The following CLK1 variants were observed in gnomAD, a reference collection of about 807,000 sequenced individuals.
CLK1 encodes the protein CDC like kinase 1, also known as dual specificity protein kinase CLK1.
A neutral mutation model predicts 60.9 loss-of-function variants in CLK1; 40 were observed. That is an observed-to-expected ratio of 0.66 (90% CI 0.51 to 0.86). CLK1 has a LOEUF of 0.86. Ranked by LOEUF, CLK1 falls within the 40% of genes least tolerant of loss-of-function variation. CLK1 has a pLI of 0.00. For missense variants in CLK1, 563 were observed against 606.1 expected, an observed-to-expected ratio of 0.93 and a Z score of 0.75; for synonymous variants, 203 against 184.4, an observed-to-expected ratio of 1.10 and a Z score of -0.82.
Position 200,861,801 on chromosome 2 carries a change from T to C in CLK1, c.62A>G (p.Lys21Arg). Reference sequence around the variant, plus strand: ...TTTATGACTGCTGCTGCTCCTCCATTTTCCATAATCCCAATCCTTGTCATC... The same window carrying C: ...TTTATGACTGCTGCTGCTCCTCCATCTTCCATAATCCCAATCCTTGTCATC... The part of the protein sequence containing the change: ...DWDDKDWDYG[K>R]WRSSSSHKRR... The change falls in exon 2 of 13, where the codon AAA becomes AGA. Residue 21 changes from lysine to arginine, a missense_variant. Physicochemically the swap from Lys to Arg is conservative, Grantham distance 26. This residue lies in a region of CLK1 where 198 missense variants were observed against 179.2 expected (regional missense o/e 1.10). Transcript: ENST00000321356. 6.2e-7 allele frequency: 1 copy of C among 1,614,106 alleles called. No individual in the cohort carries two copies. Among genetic ancestry groups the C allele is most frequent in the Non-Finnish European group, 8.5e-7 (1 of 1,180,000 alleles).
intron 1 of CLK1, chr2:200,864,259 G>A (rs2039192375): frequency 3.3e-6 from 5 of 1,512,644 alleles, no homozygotes; most frequent in Non-Finnish European, 4.4e-6. Flanking sequence ...TCACAACATG[G>A]CGCCCGCCCG....
At position 200,855,075 on chromosome 2, in the gene CLK1, A is replaced by G. The variant is rs2039016353; in HGVS notation, c.1069T>C (p.Ser357Pro). 1 of 1,611,864 alleles carries G rather than the reference A, an allele frequency of 6.2e-7. No individual in the cohort carries two copies. Among genetic ancestry groups the G allele is most frequent in the Non-Finnish European group, 8.5e-7 (1 of 1,179,154 alleles). The change falls in exon 10 of 13, where the codon TCC (serine) becomes CCC (proline). Residue 357 changes from serine (S) to proline (P), a missense_variant. Coordinates refer to ENST00000321356, the MANE Select transcript of CLK1 (RefSeq NM_004071.4). ...APEVILALGW[S>P]QPCDVWSIGC... ...ATGCTCCAGACATCACATGGTTGGG[A>G]CCACCCTAGGGCTGCAAAGCAAAGC...
chr2:200,860,005 G>GAAAA, intron 4 of CLK1, 120 bp downstream of exon 4: 1 of 1,451,202 alleles, frequency 6.9e-7, no homozygotes, highest in Non-Finnish European at 9.1e-7. Flanking sequence ...AAAAGAAATG[G>GAAAA]AAAAATAAAA....
At chr2:200,862,849 A>C (rs1387952018) in intron 1 of CLK1, among the ~76,000 whole-genome samples, 1 of 152,252 alleles carries the variant, frequency 6.6e-6, no homozygotes, top group East Asian at 1.9e-4. Flanking sequence ...CGGACAAATG[A>C]AACTACCAAG....
chr2:200,853,683 A>AC (rs1205103371), intron 12 of CLK1, among the ~76,000 whole-genome samples: 1 of 125,698 alleles, frequency 8.0e-6, no homozygotes, highest in African/African-American at 2.7e-5. Flanking sequence ...TTACTTGAAA[A>AC]AAAAAAAAAA....
intron 1 of CLK1, chr2:200,864,246 G>A (rs200388256): frequency 3.9e-6 from 6 of 1,533,420 alleles, no homozygotes; most frequent in African/African-American, 1.4e-5. Flanking sequence ...CCGCCGAGGC[G>A]GTTCACAACA....
chr2:200,860,894 T>C (rs1006192888), intron 3 of CLK1: 104 of 1,083,066 alleles, frequency 9.6e-5, no homozygotes, highest in Non-Finnish European at 1.1e-4. Flanking sequence ...GTTCTACTTT[T>C]GTGATTTCAA....
intron 5 of CLK1, among the ~76,000 whole-genome samples, chr2:200,858,790 G>A (rs1025084890): frequency 6.8e-6 from 1 of 147,504 alleles, no homozygotes; most frequent in Non-Finnish European, 1.5e-5. Context: ...TTGCCATTCA[G>A]GAAGAGGAAG....
chr2:200,860,988 T>C, intron 3 of CLK1: 2 of 1,272,182 alleles, frequency 1.6e-6, no homozygotes, highest in African/African-American at 3.0e-5. Flanking sequence ...TAATCTAAAT[T>C]AAATCAATTA....
At chr2:200,863,399 A>C (rs1001838671) in intron 1 of CLK1, among the ~76,000 whole-genome samples, 4 of 152,120 alleles carry the variant, frequency 2.6e-5, no homozygotes, top group East Asian at 1.9e-4. Context: ...CCTCTATAAA[A>C]AATAAAAAAT....
At chr2:200,862,436 A>C (rs1182593561) in intron 1 of CLK1, among the ~76,000 whole-genome samples, 1 of 151,972 alleles carries the variant, frequency 6.6e-6, no homozygotes, top group African/African-American at 2.4e-5. Context: ...CCCACCCTTA[A>C]GAAGGTTCTT....
chr2:200,858,263 C>T (rs1025985761), intron 5 of CLK1, 174 bp from the exon 6 acceptor site: 7 of 608,520 alleles, frequency 1.2e-5, no homozygotes, highest in Admixed American at 5.6e-5. Flanking sequence ...TTCATCAAAC[C>T]ACCACTCACA....
chr2:200,858,942 A>G (rs2039090478), intron 5 of CLK1, among the ~76,000 whole-genome samples: 1 of 152,050 alleles, frequency 6.6e-6, no homozygotes, highest in African/African-American at 2.4e-5. Flanking sequence ...TGGGAGGCTG[A>G]GGTGGGCAGG....
In CLK1 at chr2:200,859,691, G is replaced by C. The variant is rs140564180; in HGVS notation, c.537C>G (p.Ile179Met). The C allele has an allele frequency of 1.2e-6, 2 of 1,612,616 alleles. No homozygotes were observed. Among genetic ancestry groups the C allele is most frequent in the South Asian group, 2.2e-5 (2 of 90,850 alleles). Reference protein sequence around the residue: ...EGAFGKVVECIDHKAGGRHVA... With the variant: ...EGAFGKVVECMDHKAGGRHVA... ...CATGGGAAACTTACGCTTTATGATC[G>C]ATGCACTCCACAACTTTTCCAAAAG... Residue 179 changes from isoleucine to methionine, a missense_variant, in exon 5 of 13, where the codon ATC (isoleucine) becomes ATG (methionine). Transcript: ENST00000321356.
intron 5 of CLK1, among the ~76,000 whole-genome samples, chr2:200,858,325 G>A (rs2039077128): frequency 6.6e-6 from 1 of 152,136 alleles, no homozygotes; most frequent in South Asian, 2.1e-4. Context: ...TATGGTACCT[G>A]TCACTGTCAA....
At chr2:200,861,963 A>G in intron 1 of CLK1, 101 bp from the exon 2 acceptor site, 1 of 848,318 alleles carries the variant, frequency 1.2e-6, no homozygotes, top group Non-Finnish European at 1.8e-6. Context: ...TTTTAAGACC[A>G]AAATTCAAGA....
chr2:200,855,167 T>A, intron 9 of CLK1, 81 bp from the exon 10 acceptor site: 1 of 1,041,380 alleles, frequency 9.6e-7, no homozygotes, highest in Non-Finnish European at 1.4e-6. Context: ...ACACTAATAC[T>A]TTAAAAAAAA....
rs56049927 is a variant in CLK1 at position 200,853,967 on chromosome 2, C to T, written c.1247G>A (p.Arg416Gln). Residue 416 changes from arginine (R) to glutamine (Q), a missense_variant, in exon 12 of 13, where the codon CGA (arginine) becomes CAA (glutamine). Arg to Gln is a conservative substitution (Grantham distance 43, BLOSUM62 1). This residue lies in a region of CLK1 where 360 missense variants were observed against 407.0 expected (regional missense o/e 0.88). Transcript: ENST00000321356. ...AGAACTGTGTTCATCCCAGTCTAAT[C>T]GATCGTGGTGAAAATATTTACGTTT... Reference protein sequence around the residue: ...TRKRKYFHHDRLDWDEHSSAG... With the variant: ...TRKRKYFHHDQLDWDEHSSAG... 5.0e-5 allele frequency: 80 copies of T among 1,610,230 alleles called. No individual in the cohort carries two copies. Among genetic ancestry groups the T allele is most frequent in the Non-Finnish European group, 6.3e-5 (74 of 1,178,184 alleles).
chr2:200,854,769 A>C, intron 10 of CLK1, 74 bp from the exon 11 acceptor site: 5 of 1,097,754 alleles, frequency 4.6e-6, no homozygotes, highest in Non-Finnish European at 6.9e-6. Flanking sequence ...ACAGCAAAAA[A>C]ACTAACATTA....
Sources: allele counts gnomAD v4.1 joint callset (sites outside exome capture counted in the v4.1 genomes callset), GRCh38; gene constraint gnomAD v4.1.1; regional missense constraint gnomAD v4.1.1; transcripts MANE v1.5; gene names NCBI Gene and HGNC (gene_info 2026-07-23, HGNC 2026-07-21).